Variants in C1orf146 observed in about 807,000 individuals in gnomAD.
The protein encoded by C1orf146 is chromosome 1 open reading frame 146.
C1orf146 carries 22 observed loss-of-function variants against 23.0 expected under a neutral mutation model. The observed-to-expected ratio is 0.96, with a 90% CI of 0.68 to 1.36. The LOEUF (loss-of-function observed/expected upper bound fraction) is 1.36, where lower values mean the gene tolerates loss of function less well. C1orf146 is among the 40% of genes most tolerant of loss of function. The pLI, the probability that C1orf146 is intolerant of heterozygous loss-of-function variation, is 0.00. For missense variants in C1orf146, 199 were observed against 206.8 expected (o/e 0.96, Z 0.23); for synonymous variants, 59 against 65.3 (o/e 0.90, Z 0.47).
intron 2 of C1orf146, among the ~76,000 whole-genome samples, chr1:92,237,106 C>T (rs541304592): frequency 1.3e-5 from 2 of 152,322 alleles, no homozygotes; most frequent in East Asian, 1.9e-4. Context: ...TCTCTCAACT[C>T]GTTAAAGTCA....
Position 92,244,208 on chromosome 1 carries a change from C to CT in C1orf146, c.161-6dup. The CT allele has an allele frequency of 1.3e-6, 2 of 1,560,840 alleles. No individual in the cohort carries two copies. Among genetic ancestry groups the CT allele is most frequent in the Non-Finnish European group, 1.7e-6 (2 of 1,148,280 alleles). ...AAGTGACATTTTATATTCAATTCAC[C>CT]TTTCCTAGGAGTTGCATTTTTATTA... On this transcript the variant is annotated splice_polypyrimidine_tract_variant and intron_variant, in intron 3 of 5. Transcript: ENST00000370375.
At chr1:92,219,847 A>T (rs1375170636) in intron 1 of C1orf146, among the ~76,000 whole-genome samples, 1 of 152,120 alleles carries the variant, frequency 6.6e-6, no homozygotes, top group South Asian at 2.1e-4. Context: ...AGGTTGGAGT[A>T]TATATACATA....
chr1:92,240,426 T>TA, intron 2 of C1orf146, among the ~76,000 whole-genome samples: 1 of 152,322 alleles, frequency 6.6e-6, no homozygotes, highest in South Asian at 2.1e-4. Flanking sequence ...CTAAATTACT[T>TA]AATCTGCCAT....
intron 1 of C1orf146, among the ~76,000 whole-genome samples, chr1:92,230,482 G>A (rs1417699064): frequency 6.6e-6 from 1 of 151,936 alleles, no homozygotes; most frequent in Admixed American, 6.6e-5. Context: ...TGGGTGTGGT[G>A]GGGGGCGCCT....
At chr1:92,222,361 C>A (rs1239355258) in intron 1 of C1orf146, among the ~76,000 whole-genome samples, 1 of 150,230 alleles carries the variant, frequency 6.7e-6, no homozygotes, top group African/African-American at 2.5e-5. Context: ...ATGTAACATG[C>A]ATGTATATAT....
In C1orf146 at chr1:92,244,216, G is replaced by A. The variant is rs767723876; in HGVS notation, c.161-1G>A. 18 of 1,575,920 alleles carry A rather than the reference G, an allele frequency of 1.1e-5. No individual in the cohort carries two copies. The highest frequency in any genetic ancestry group is 1.6e-5 in the Non-Finnish European group (18 of 1,157,334). On this transcript the variant is annotated splice_acceptor_variant, in intron 3 of 5. Coordinates refer to ENST00000370375, the MANE Select transcript of C1orf146 (RefSeq NM_001012425.2). LOFTEE classifies it high-confidence loss of function. ...TTTTATATTCAATTCACCTTTCCTA[G>A]GAGTTGCATTTTTATTAATGGATAC...
At chr1:92,222,006 C>G (rs112876199) in intron 1 of C1orf146, among the ~76,000 whole-genome samples, 7,269 of 152,182 alleles carry the variant, frequency 0.048, 591 homozygotes, top group African/African-American at 0.16. Context: ...CTTTGGGAGT[C>G]TAAGGTGGGC....
intron 1 of C1orf146, among the ~76,000 whole-genome samples, chr1:92,230,765 C>G (rs1386527281): frequency 2.6e-5 from 4 of 152,006 alleles, no homozygotes; most frequent in Non-Finnish European, 5.9e-5. Flanking sequence ...GAGTGAGACC[C>G]TCTTTAAAAA....
At position 92,244,310 on chromosome 1, in the gene C1orf146, AAAAT is replaced by A. The variant is rs760766972; in HGVS notation, c.256_259del (p.Asn86ValfsTer17). On this transcript the variant is annotated frameshift_variant, in exon 4 of 6. Transcript: ENST00000370375. LOFTEE classifies it high-confidence loss of function. Reference sequence around the variant, plus strand: ...ATTGAGAAATTTATTAACATTCACCAAAATAGTTTTTTGGTTTTGTCTGCTGCCC... The same window carrying A: ...ATTGAGAAATTTATTAACATTCACCAAGTTTTTTGGTTTTGTCTGCTGCCC... 9.3e-6 allele frequency: 15 copies of A among 1,612,596 alleles called. No individual in the cohort carries two copies. The highest frequency in any genetic ancestry group is 1.3e-5 in the Non-Finnish European group (15 of 1,178,962).
intron 2 of C1orf146, among the ~76,000 whole-genome samples, chr1:92,237,543 C>CTCAGGGG (rs1652326045): frequency 6.6e-6 from 1 of 152,212 alleles, no homozygotes; most frequent in Non-Finnish European, 1.5e-5. Context: ...AGTTAGGCTG[C>CTCAGGGG]TCAGGGGTCA....
intron 1 of C1orf146, among the ~76,000 whole-genome samples, chr1:92,226,424 C>T (rs1234466259): frequency 1.3e-5 from 2 of 152,076 alleles, no homozygotes; most frequent in Non-Finnish European, 2.9e-5. Context: ...CATACACACA[C>T]ACACACACTT....
chr1:92,237,373 C>T (rs1318400149), intron 2 of C1orf146, among the ~76,000 whole-genome samples: 1 of 152,176 alleles, frequency 6.6e-6, no homozygotes, highest in African/African-American at 2.4e-5. Flanking sequence ...GAGGTCCACT[C>T]CAGACCCTGT....
chr1:92,245,003 A>C, intron 5 of C1orf146, 146 bp downstream of exon 5: 1 of 542,986 alleles, frequency 1.8e-6, no homozygotes, highest in Non-Finnish European at 3.3e-6. Context: ...CTTTTTCCCA[A>C]GCCTAACTCT....
At position 92,232,378 on chromosome 1, in the gene C1orf146, C is replaced by T. The variant is rs200874886; in HGVS notation, c.66+892C>T. Reference sequence around the variant, plus strand: ...TGCGGTGTTTGGTTTTTTGTCCTTGCGATAGTTTGCTGAGAATGATGGTTT... The same window carrying T: ...TGCGGTGTTTGGTTTTTTGTCCTTGTGATAGTTTGCTGAGAATGATGGTTT... On this transcript the variant is annotated intron_variant, in intron 2 of 5. Transcript: ENST00000370375. Among the ~76,000 whole-genome samples the T allele has an allele frequency of 1.9e-3, 282 of 151,060 alleles. 1 individual carries two copies. The East Asian group carries it at 0.025, about 13-fold the overall frequency.
intron 1 of C1orf146, among the ~76,000 whole-genome samples, chr1:92,230,948 C>T (rs1441783164): frequency 6.6e-6 from 1 of 152,168 alleles, no homozygotes; most frequent in Non-Finnish European, 1.5e-5. Flanking sequence ...TTTGTCCCAT[C>T]ACCCTGTGGG....
chr1:92,244,196 T>C, intron 3 of C1orf146, 21 bp from the exon 4 acceptor site: 1 of 1,522,232 alleles, frequency 6.6e-7, no homozygotes, highest in South Asian at 1.2e-5. Flanking sequence ...TGACATTTTA[T>C]ATTCAATTCA....
chr1:92,242,101 ATCTT>A, intron 2 of C1orf146, 107 bp from the exon 3 acceptor site: 1 of 516,922 alleles, frequency 1.9e-6, no homozygotes, highest in Non-Finnish European at 3.3e-6. Context: ...TGATGATCAT[ATCTT>A]TAAGTGGTAG....
intron 2 of C1orf146, among the ~76,000 whole-genome samples, chr1:92,239,076 A>G (rs1652366874): frequency 6.6e-6 from 1 of 152,152 alleles, no homozygotes; most frequent in Non-Finnish European, 1.5e-5. Context: ...ATCAAATTTT[A>G]GGGAGCTTTC....
chr1:92,244,695 A>C, intron 4 of C1orf146, 84 bp from the exon 5 acceptor site: 49 of 868,668 alleles, frequency 5.6e-5, no homozygotes, highest in Non-Finnish European at 8.4e-5. Context: ...AACAAACAAT[A>C]GAGATTTGTC....
Sources: gnomAD v4.1 joint callset for allele counts (sites outside exome capture counted in the v4.1 genomes callset) on GRCh38, gnomAD v4.1.1 for gene constraint, MANE v1.5 for transcripts, NCBI Gene and HGNC (gene_info 2026-07-23, HGNC 2026-07-21) for gene names.